Variants in C5AR1 observed in about 807,000 individuals in gnomAD.
C5AR1 encodes complement C5a receptor 1, also known as C5a anaphylatoxin chemotactic receptor 1.
In C5AR1, 4 loss-of-function variants were observed where a neutral mutation model predicts 2.4. The observed-to-expected ratio is 1.65, with a 90% CI of 0.81 to 3.77. The LOEUF is 3.77. C5AR1 is among the 30% of genes most tolerant of loss of function. C5AR1 has a pLI of 0.01. For synonymous variants in C5AR1, 209 were observed against 210.4 expected, an observed-to-expected ratio of 0.99 and a Z score of 0.06; for missense variants, 418 against 462.5, an observed-to-expected ratio of 0.90 and a Z score of 0.88.
rs1276576722 is a variant in C5AR1, at chr19:47,320,424, T to G, written c.647T>G (p.Leu216Arg). Residue 216 changes from leucine to arginine, a missense_variant, in exon 2 of 2, where the codon CTC becomes CGC. Coordinates refer to ENST00000355085, the MANE Select transcript of C5AR1 (RefSeq NM_001736.4). The surrounding 1 kb of genome is among the most constrained non-coding windows in gnomAD (Gnocchi z 4.9). ...RLVLGFLWPL[L>R]TLTICYTFIL... The stretch of plus-strand genomic sequence containing the variant: ...GTCCTGGGCTTCCTGTGGCCTCTAC[T>G]CACGCTCACGATTTGTTACACTTTC... 1 of 1,611,028 alleles carries G rather than the reference T, an allele frequency of 6.2e-7. No individual in the cohort carries two copies. The highest frequency in any genetic ancestry group is 8.5e-7 in the Non-Finnish European group (1 of 1,179,930).
At chr19:47,308,513 A>G (rs1406001404), upstream of C5AR1, among the ~76,000 whole-genome samples, 3 of 151,846 alleles carry the variant, frequency 2.0e-5, no homozygotes, top group African/African-American at 7.2e-5. Flanking sequence ...CCAACTTTAT[A>G]ACCCTAGAAG....
chr19:47,310,989 G>C (rs887357755), intron 1 of C5AR1, among the ~76,000 whole-genome samples: 10 of 152,182 alleles, frequency 6.6e-5, no homozygotes, highest in Non-Finnish European at 2.9e-5. Context: ...CACTGAGCCA[G>C]CAGAGCTGCG....
At position 47,320,689 on chromosome 19, in the gene C5AR1, C is replaced by A. The variant is rs1421326042; in HGVS notation, c.912C>A (p.Gly304=). 1 of 1,614,192 alleles carries A rather than the reference C, an allele frequency of 6.2e-7. No individual in the cohort carries two copies. The highest frequency in any genetic ancestry group is 2.2e-5 in the East Asian group (1 of 44,886). Residue 304 remains glycine (G), a synonymous_variant, in exon 2 of 2, where the codon GGC becomes GGA. Transcript: ENST00000355085. This position sits in a 1 kb window ranked among gnomAD's most constrained non-coding sequence, Gnocchi z 4.9. ...ACCCCATCATCTACGTGGTGGCCGG[C>A]CAGGGCTTCCAGGGCCGACTGCGGA... ...CINPIIYVVA[G]QGFQGRLRKS...
chr19:47,316,811 T>C (rs1320014605), intron 1 of C5AR1, among the ~76,000 whole-genome samples: 1 of 151,906 alleles, frequency 6.6e-6, no homozygotes, highest in Non-Finnish European at 1.5e-5. Context: ...TGGATATGAT[T>C]CCACCAGTAA....
chr19:47,320,180 T>G lies in C5AR1; in HGVS notation c.403T>G (p.Phe135Val). ...LLLATISADR[F>V]LLVFKPIWCQ... ...CCTGGCCACCATCAGCGCCGACCGC[T>G]TTCTGCTGGTGTTTAAACCCATCTG... Residue 135 changes from phenylalanine to valine, a missense_variant, in exon 2 of 2, where the codon TTT (phenylalanine) becomes GTT (valine). Physicochemically the swap from Phe to Val is conservative, Grantham distance 50 (BLOSUM62 -1). Transcript: ENST00000355085. The surrounding 1 kb of genome is among the most constrained non-coding windows in gnomAD (Gnocchi z 4.9). The G allele has an allele frequency of 6.2e-7, 1 of 1,614,178 alleles. No homozygotes were observed. Among genetic ancestry groups the G allele is most frequent in the Non-Finnish European group, 8.5e-7 (1 of 1,180,036 alleles).
upstream of C5AR1, among the ~76,000 whole-genome samples, chr19:47,309,334 G>A (rs1197374968): frequency 6.6e-6 from 1 of 152,100 alleles, no homozygotes; most frequent in Admixed American, 6.6e-5. Flanking sequence ...TAGCACTTTG[G>A]GAGGTTGAGG....
In C5AR1 at chr19:47,320,441, T is replaced by C; in HGVS notation, c.664T>C (p.Tyr222His). The C allele has an allele frequency of 6.2e-7, 1 of 1,612,038 alleles. No individual in the cohort carries two copies. Among genetic ancestry groups the C allele is most frequent in the Non-Finnish European group, 8.5e-7 (1 of 1,179,984 alleles). Residue 222 changes from tyrosine (Y) to histidine (H), a missense_variant, in exon 2 of 2, where the codon TAC (tyrosine) becomes CAC (histidine). Tyr to His is a moderately conservative substitution (Grantham distance 83). Transcript: ENST00000355085. The surrounding 1 kb of genome is among the most constrained non-coding windows in gnomAD (Gnocchi z 4.9). ...LWPLLTLTIC[Y>H]TFILLRTWSR... ...GCCTCTACTCACGCTCACGATTTGTTACACTTTCATCCTGCTCCGGACGTG... is the reference window on the plus strand; with the variant it reads ...GCCTCTACTCACGCTCACGATTTGTCACACTTTCATCCTGCTCCGGACGTG...
intron 1 of C5AR1, among the ~76,000 whole-genome samples, chr19:47,314,869 T>G (rs1479787034): frequency 6.6e-6 from 1 of 152,102 alleles, no homozygotes; most frequent in African/African-American, 2.4e-5. Context: ...AATTTTTGTA[T>G]TTTTAGTAGA....
intron 1 of C5AR1, among the ~76,000 whole-genome samples, chr19:47,315,233 A>G (rs141183993): frequency 6.6e-5 from 10 of 152,208 alleles, no homozygotes; most frequent in South Asian, 2.1e-4. Flanking sequence ...GCCTGGATGT[A>G]CCATCATTAA....
Position 47,321,115 on chromosome 19 carries a change from C to A in C5AR1, c.*285C>A. On this transcript the variant is annotated 3_prime_UTR_variant, in exon 2 of 2. Transcript: ENST00000355085. Reference sequence around the variant, plus strand: ...GGCTTTTGAAAAACAAACAGAAACCCGTGTATCTGGGATATTTCCATATGG... The same window carrying A: ...GGCTTTTGAAAAACAAACAGAAACCAGTGTATCTGGGATATTTCCATATGG... 4.2e-6 allele frequency: 1 copy of A among 235,664 alleles called. No individual in the cohort carries two copies. 14.6% of individuals were successfully genotyped at this position (235,664 alleles called of 1,614,324 possible).
intron 1 of C5AR1, among the ~76,000 whole-genome samples, chr19:47,317,089 A>G (rs1236235151): frequency 6.6e-6 from 1 of 150,580 alleles, no homozygotes; most frequent in Non-Finnish European, 1.5e-5. Context: ...GCTACTCAAG[A>G]GGCTGAGGCA....
In C5AR1 at chr19:47,319,979, C is replaced by A. The variant is rs201947994; in HGVS notation, c.202C>A (p.Arg68=). ...VVWVTAFEAK[R]TINAIWFLNL... is the part of the protein sequence containing the mutation. ...CTGGGTGACGGCATTCGAGGCCAAGCGGACCATCAATGCCATCTGGTTCCT... is the reference window on the plus strand; with the variant it reads ...CTGGGTGACGGCATTCGAGGCCAAGAGGACCATCAATGCCATCTGGTTCCT... The change falls in exon 2 of 2, where the codon CGG becomes AGG. Residue 68 remains arginine (R), a synonymous_variant. Transcript: ENST00000355085. The A allele has an allele frequency of 6.2e-7, 1 of 1,614,118 alleles. No homozygotes were observed. The highest frequency in any genetic ancestry group is 2.2e-5 in the East Asian group (1 of 44,892).
At chr19:47,312,835 G>C (rs940684704) in intron 1 of C5AR1, among the ~76,000 whole-genome samples, 32 of 151,764 alleles carry the variant, frequency 2.1e-4, no homozygotes, top group Non-Finnish European at 5.9e-5. Flanking sequence ...CACCCAGCTA[G>C]ATTTAAAATT....
intron 1 of C5AR1, among the ~76,000 whole-genome samples, chr19:47,310,497 C>T (rs1407284503): frequency 1.3e-5 from 2 of 152,092 alleles, no homozygotes; most frequent in Non-Finnish European, 2.9e-5. Flanking sequence ...GATAGATGTT[C>T]TTTTCTTTTT....
Position 47,319,772 on chromosome 19 carries a change from T to C in C5AR1, c.4-9T>C. ...ACTCATCCTCTCTGCTCTCTCCGAT[T>C]CCCCTTAGGACTCCTTCAATTATAC... On this transcript the variant is annotated splice_polypyrimidine_tract_variant and intron_variant, in intron 1 of 1. Coordinates refer to ENST00000355085, the MANE Select transcript of C5AR1 (RefSeq NM_001736.4). 2 of 1,566,950 alleles carry C rather than the reference T, an allele frequency of 1.3e-6. No homozygotes were observed. Among genetic ancestry groups the C allele is most frequent in the South Asian group, 2.2e-5 (2 of 89,432 alleles).
In C5AR1 at chr19:47,320,532, T is replaced by C. The variant is rs1447178732; in HGVS notation, c.755T>C (p.Phe252Ser). Residue 252 changes from phenylalanine to serine, a missense_variant, in exon 2 of 2, where the codon TTT becomes TCT. Transcript: ENST00000355085. This position sits in a 1 kb window ranked among gnomAD's most constrained non-coding sequence, Gnocchi z 4.9. ...KVVVAVVASFFIFWLPYQVTG... is the reference protein window; with the variant it reads ...KVVVAVVASFSIFWLPYQVTG... Reference sequence around the variant, plus strand: ...GTGGTGGCAGTGGTGGCCAGTTTCTTTATCTTCTGGTTGCCCTACCAGGTG... The same window carrying C: ...GTGGTGGCAGTGGTGGCCAGTTTCTCTATCTTCTGGTTGCCCTACCAGGTG... 2 of 1,613,612 alleles carry C rather than the reference T, an allele frequency of 1.2e-6. No individual in the cohort carries two copies. The highest frequency in any genetic ancestry group is 8.5e-7 in the Non-Finnish European group (1 of 1,179,956).
chr19:47,308,385 G>C (rs1041409028), upstream of C5AR1, among the ~76,000 whole-genome samples: 3 of 151,902 alleles, frequency 2.0e-5, no homozygotes, highest in Non-Finnish European at 4.4e-5. Context: ...GGATTCCACT[G>C]ATTCTACATT....
chr19:47,312,208 C>G lies in C5AR1; in HGVS notation c.3+2310C>G, dbSNP rs949653072. 4.6e-5 allele frequency among the ~76,000 whole-genome samples: 7 copies of G among 152,256 alleles called. No individual in the cohort carries two copies. In the South Asian group the frequency reaches 1.5e-3, roughly 32 times the overall value. On this transcript the variant is annotated intron_variant, in intron 1 of 1. Transcript: ENST00000355085. The stretch of plus-strand genomic sequence containing the variant: ...TCAAGTGATTCTCCTGCCTCAGCCT[C>G]CCAGGTAGCTGGGACTACAGGTGCC...
upstream of C5AR1, among the ~76,000 whole-genome samples, chr19:47,307,934 G>T (rs925590245): frequency 2.0e-4 from 31 of 151,932 alleles, 2 homozygotes; most frequent in Non-Finnish European, 1.5e-5. Context: ...GTGAACCCAG[G>T]CCGGGCGCAG....
Sources: allele counts gnomAD v4.1 joint callset (sites outside exome capture counted in the v4.1 genomes callset), GRCh38; gene constraint gnomAD v4.1.1; non-coding constraint Gnocchi (gnomAD v3.1); transcripts MANE v1.5; gene names NCBI Gene and HGNC (gene_info 2026-07-23, HGNC 2026-07-21).